Variants in PTK2B observed in about 807,000 individuals in gnomAD.
The protein encoded by PTK2B is protein tyrosine kinase 2 beta, also known as protein-tyrosine kinase 2-beta.
PTK2B carries 71 observed loss-of-function variants against 142.9 expected under a neutral mutation model. The observed-to-expected ratio is 0.50, with a 90% CI of 0.41 to 0.61. The LOEUF is 0.61. Among genes scored for constraint, PTK2B ranks in the 20% least tolerant of loss-of-function variants. The pLI, the probability that PTK2B is intolerant of heterozygous loss-of-function variation, is 0.00. For synonymous variants in PTK2B, 519 were observed against 503.4 expected, an observed-to-expected ratio of 1.03 and a Z score of -0.42; for missense variants, 1,105 against 1,320.4, an observed-to-expected ratio of 0.84 and a Z score of 2.53.
chr8:27,439,169 G>A, intron 19 of PTK2B, 38 bp downstream of exon 19: 1 of 1,601,118 alleles, frequency 6.2e-7, no homozygotes, highest in South Asian at 1.1e-5. Context: ...GGCCTTGGAG[G>A]GGTCGCTGAA....
intron 1 of PTK2B, among the ~76,000 whole-genome samples, chr8:27,365,328 T>G (rs1805957210): frequency 6.6e-6 from 1 of 152,190 alleles, no homozygotes; most frequent in Admixed American, 6.5e-5. Context: ...CTCAAAGGTG[T>G]TTGTTGAATT....
At chr8:27,358,665 T>A (rs552440127) in intron 1 of PTK2B, among the ~76,000 whole-genome samples, 1 of 152,296 alleles carries the variant, frequency 6.6e-6, no homozygotes, top group Admixed American at 6.5e-5. Flanking sequence ...TTAAGACTTC[T>A]AATATATTTA....
chr8:27,394,402 A>G (rs1807913114), intron 1 of PTK2B, among the ~76,000 whole-genome samples: 1 of 152,222 alleles, frequency 6.6e-6, no homozygotes, highest in Non-Finnish European at 1.5e-5. Context: ...TTGTAACACA[A>G]TGGTAGGTAT....
Position 27,451,162 on chromosome 8 carries a change from C to G in PTK2B, c.2523+84C>G, listed in dbSNP as rs1169920294. The G allele has an allele frequency of 3.3e-6, 5 of 1,492,756 alleles. No homozygotes were observed. In the African/African-American group the frequency reaches 5.5e-5, roughly 16 times the overall value. 92.5% of individuals were successfully genotyped at this position (1,492,756 alleles called of 1,614,324 possible). ...CATAGGACCCCCCGCCCAACTTGCT[C>G]CTACCCCCAGGCCTGCCCAGCTCCT... On this transcript the variant is annotated intron_variant, in intron 26 of 30. Coordinates refer to ENST00000346049, the MANE Select transcript of PTK2B (RefSeq NM_173176.3).
At chr8:27,340,184 A>G (rs1459577973) in intron 1 of PTK2B, among the ~76,000 whole-genome samples, 1 of 152,260 alleles carries the variant, frequency 6.6e-6, no homozygotes, top group African/African-American at 2.4e-5. Context: ...ACTATTCTCA[A>G]GATGAAACAG....
In PTK2B at chr8:27,432,331, A is replaced by G; in HGVS notation, c.957A>G (p.Val319=). The G allele has an allele frequency of 1.2e-6, 2 of 1,613,988 alleles. No homozygotes were observed. The highest frequency in any genetic ancestry group is 1.7e-6 in the Non-Finnish European group (2 of 1,180,028). The change falls in exon 10 of 31, where the codon GTA becomes GTG. Residue 319 remains valine, a synonymous_variant. Coordinates refer to ENST00000346049, the MANE Select transcript of PTK2B (RefSeq NM_173176.3). The part of the protein sequence containing the change: ...RCLPLEEGQA[V]LQLGIEGAPQ... ...TCCCGCTGGAGGAGGGCCAGGCAGT[A>G]CTTCAGCTGGGCATTGAAGGTGCCC...
At chr8:27,417,541 G>C (rs1809478518) in intron 2 of PTK2B, among the ~76,000 whole-genome samples, 1 of 152,092 alleles carries the variant, frequency 6.6e-6, no homozygotes, top group Non-Finnish European at 1.5e-5. Context: ...GTATTCATGT[G>C]TCAAAATTGT....
intron 1 of PTK2B, among the ~76,000 whole-genome samples, chr8:27,356,970 G>A (rs1197470564): frequency 1.3e-5 from 2 of 152,196 alleles, no homozygotes; most frequent in East Asian, 1.9e-4. Flanking sequence ...AAACAGTTCT[G>A]TATCTTGACT....
At chr8:27,362,628 TC>T (rs962235942) in intron 1 of PTK2B, among the ~76,000 whole-genome samples, 2 of 149,732 alleles carry the variant, frequency 1.3e-5, no homozygotes, top group African/African-American at 4.9e-5. Flanking sequence ...GTGTTTTCTT[TC>T]CCCCCACCAA....
chr8:27,440,577 G>A (rs990263610), intron 21 of PTK2B, 136 bp downstream of exon 21: 4 of 1,035,972 alleles, frequency 3.9e-6, no homozygotes, highest in Middle Eastern at 3.2e-4. Context: ...CTGAAGCCAG[G>A]TTCACTGTCA....
chr8:27,434,216 C>T (rs999340373), intron 12 of PTK2B, 84 bp downstream of exon 12: 1 of 1,504,534 alleles, frequency 6.6e-7, no homozygotes, highest in Non-Finnish European at 9.1e-7. Flanking sequence ...GGAGTCCCCA[C>T]CTCCATAGTT....
intron 22 of PTK2B, 136 bp from the exon 23 acceptor site, chr8:27,444,070 T>G: frequency 1.1e-6 from 1 of 895,424 alleles, no homozygotes; most frequent in Non-Finnish European, 1.8e-6. Context: ...CAAAATGAGT[T>G]TCATGACAGC....
At chr8:27,431,954 T>A in intron 9 of PTK2B, 1 of 328,008 alleles carries the variant, frequency 3.0e-6, no homozygotes. Context: ...CACCACAAAT[T>A]CGTAAACTTT....
rs1810570702 is a variant in PTK2B at position 27,433,451 on chromosome 8, C to T, written c.1004C>T (p.Thr335Ile). The T allele has an allele frequency of 6.2e-7, 1 of 1,614,146 alleles. No homozygotes were observed. The highest frequency in any genetic ancestry group is 8.5e-7 in the Non-Finnish European group (1 of 1,179,980). The part of the protein sequence containing the change: ...EGAPQALSIK[T>I]SSLAEAENMA... The stretch of plus-strand genomic sequence containing the variant: ...GCTCCGCAGGCCTTGTCCATCAAAA[C>T]CTCATCCCTAGCAGAGGCTGAGAAC... Residue 335 changes from threonine (T) to isoleucine (I), a missense_variant, in exon 11 of 31, where the codon ACC becomes ATC. By Grantham distance (89) the Thr-to-Ile change is moderately conservative. Coordinates refer to ENST00000346049, the MANE Select transcript of PTK2B (RefSeq NM_173176.3).
At chr8:27,332,208 T>C (rs1255577281) in intron 1 of PTK2B, among the ~76,000 whole-genome samples, 2 of 152,244 alleles carry the variant, frequency 1.3e-5, no homozygotes, top group Non-Finnish European at 2.9e-5. Flanking sequence ...GCCTGAGCTT[T>C]GGTGTAGATT....
intron 5 of PTK2B, among the ~76,000 whole-genome samples, chr8:27,429,238 C>T (rs1294577456): frequency 1.3e-5 from 2 of 152,226 alleles, no homozygotes; most frequent in African/African-American, 4.8e-5. Context: ...AATGAACTGT[C>T]TAAAAGTCAT....
chr8:27,317,315 TGAA>T (rs1229709331), intron 3 of PTK2B, among the ~76,000 whole-genome samples: 2 of 152,246 alleles, frequency 1.3e-5, no homozygotes, highest in Non-Finnish European at 2.9e-5. Flanking sequence ...AATCATGTGA[TGAA>T]GGTGATTACC....
intron 1 of PTK2B, among the ~76,000 whole-genome samples, chr8:27,367,290 A>G (rs540634442): frequency 1.0e-3 from 152 of 152,300 alleles, no homozygotes; most frequent in African/African-American, 3.5e-3. Context: ...TCTGCCTGAG[A>G]GACCCTCCTG....
chr8:27,336,858 C>T (rs140334975), intron 1 of PTK2B, among the ~76,000 whole-genome samples: 2,505 of 151,970 alleles, frequency 0.016, 41 homozygotes, highest in Non-Finnish European at 0.025. Context: ...ATTTTTGAGA[C>T]GGAGTCTCTC....
Sources: allele counts gnomAD v4.1 joint callset (sites outside exome capture counted in the v4.1 genomes callset), GRCh38; gene constraint gnomAD v4.1.1; transcripts MANE v1.5; gene names NCBI Gene and HGNC (gene_info 2026-07-23, HGNC 2026-07-21).